The following AGBL1 variants were observed in gnomAD, a reference collection of about 807,000 sequenced individuals.
The protein encoded by AGBL1 is cytosolic carboxypeptidase 4.
In AGBL1, 130 loss-of-function variants were observed where a neutral mutation model predicts 118.9. The observed-to-expected ratio is 1.09, with a 90% confidence interval of 0.95 to 1.26. The LOEUF (loss-of-function observed/expected upper bound fraction) is 1.26, where lower values mean the gene tolerates loss of function less well. Among genes scored for constraint, AGBL1 ranks in the 50% most tolerant of loss-of-function variants. The probability of loss-of-function intolerance (pLI) is 0.00; values close to 1 mark genes in which losing one functional copy is unlikely to be tolerated. For missense variants in AGBL1, 1,584 were observed against 1,298.1 expected, an observed-to-expected ratio of 1.22 and a Z score of -3.38; for synonymous variants, 555 against 478.9, an observed-to-expected ratio of 1.16 and a Z score of -2.08.
At chr15:86,638,084 C>G (rs943709216) in intron 21 of AGBL1, among the ~76,000 whole-genome samples, 2 of 152,114 alleles carry the variant, frequency 1.3e-5, no homozygotes, top group African/African-American at 4.8e-5. Flanking sequence ...TACTTCTCAT[C>G]TTCTTTCAAC....
chr15:86,159,900 T>C (rs886813669), intron 5 of AGBL1, among the ~76,000 whole-genome samples: 1 of 152,050 alleles, frequency 6.6e-6, no homozygotes, highest in Non-Finnish European at 1.5e-5. Flanking sequence ...TGCAGCTCTC[T>C]ACACCAAGCA....
intron 21 of AGBL1, among the ~76,000 whole-genome samples, chr15:86,663,277 G>A (rs2085579297): frequency 6.6e-6 from 1 of 152,204 alleles, no homozygotes; most frequent in African/African-American, 2.4e-5. Flanking sequence ...GCTGTGGCCA[G>A]CTTCTGTTCT....
intron 18 of AGBL1, among the ~76,000 whole-genome samples, chr15:86,453,876 T>C (rs1400494400): frequency 6.6e-6 from 1 of 152,242 alleles, no homozygotes; most frequent in Non-Finnish European, 1.5e-5. Context: ...GTAATAGATA[T>C]GATAGATTTG....
rs879450034 is a variant in AGBL1 at position 86,080,937 on chromosome 15, GC to G, written c.51+915del. Among the ~76,000 whole-genome samples, 1,480 of 151,226 alleles carry G rather than the reference GC, an allele frequency of 9.8e-3. 8 individuals are homozygous for G. The highest frequency in any genetic ancestry group is 0.015 in the Non-Finnish European group (1,014 of 67,886). ...GTCACAAGATGATGGGCTTGTGGGG[GC>G]GGGGGGGGGTCCATGACCCCATTCC... On this transcript the variant is annotated intron_variant, in intron 1 of 22. Coordinates refer to ENST00000614907, the MANE Select transcript of AGBL1 (RefSeq NM_001386094.1).
intron 21 of AGBL1, among the ~76,000 whole-genome samples, chr15:86,651,167 C>T (rs2085362309): frequency 6.6e-6 from 1 of 152,134 alleles, no homozygotes; most frequent in South Asian, 2.1e-4. Context: ...ACCACAGCCT[C>T]AGAGTTCTTA....
intron 21 of AGBL1, among the ~76,000 whole-genome samples, chr15:86,639,625 C>A (rs961237720): frequency 3.3e-5 from 5 of 152,156 alleles, no homozygotes; most frequent in Non-Finnish European, 5.9e-5. Context: ...CTACCTCCCC[C>A]ATACAGCTTC....
chr15:86,293,244 A>G (rs2079576876), intron 16 of AGBL1, among the ~76,000 whole-genome samples: 1 of 152,186 alleles, frequency 6.6e-6, no homozygotes, highest in Non-Finnish European at 1.5e-5. Flanking sequence ...AGGAACAGGT[A>G]CTTTTTTTAA....
At chr15:86,103,576 T>G (rs1209011149) in intron 1 of AGBL1, among the ~76,000 whole-genome samples, 1 of 152,200 alleles carries the variant, frequency 6.6e-6, no homozygotes, top group East Asian at 1.9e-4. Flanking sequence ...CTTCTGGGTG[T>G]GTGCAGTAGT....
intron 21 of AGBL1, among the ~76,000 whole-genome samples, chr15:86,611,759 A>G (rs1360431285): frequency 6.6e-6 from 1 of 152,184 alleles, no homozygotes; most frequent in Non-Finnish European, 1.5e-5. Context: ...AGAGGTTCAT[A>G]TTAGAAGAAC....
rs528837807 is a variant in AGBL1 at position 86,795,734 on chromosome 15, G to A, written c.3159-111353G>A. 7.9e-5 allele frequency among the ~76,000 whole-genome samples: 12 copies of A among 151,276 alleles called. No individual in the cohort carries two copies. The South Asian group carries it at 1.5e-3, about 18-fold the overall frequency. On this transcript the variant is annotated intron_variant, in intron 22 of 22. Coordinates refer to ENST00000614907, the MANE Select transcript of AGBL1 (RefSeq NM_001386094.1). The stretch of plus-strand genomic sequence containing the variant: ...CGAGTAGCTGGGAATACAGGTGCTC[G>A]CCACAACACCCAGCTAATTTTTTGT...
chr15:86,967,826 TA>T (rs1338795532), intron 23 of AGBL1, among the ~76,000 whole-genome samples: 1 of 152,122 alleles, frequency 6.6e-6, no homozygotes, highest in African/African-American at 2.4e-5. Flanking sequence ...TTTTGTTCCA[TA>T]TGAACTTTAA....
rs1011442893 is a variant in AGBL1, at chr15:86,283,163, A to C, written c.2220+3380A>C. Among the ~76,000 whole-genome samples, 9 of 152,198 alleles carry C rather than the reference A, an allele frequency of 5.9e-5. No individual in the cohort carries two copies. The East Asian group carries it at 1.3e-3, about 23-fold the overall frequency. On this transcript the variant is annotated intron_variant, in intron 16 of 22. Coordinates refer to ENST00000614907, the MANE Select transcript of AGBL1 (RefSeq NM_001386094.1). Reference sequence around the variant, plus strand: ...GCCGTATCAAGTTATCAGTAATTGTAATGATTGTTAAAGTGTTAGCAATAA... The same window carrying C: ...GCCGTATCAAGTTATCAGTAATTGTCATGATTGTTAAAGTGTTAGCAATAA...
chr15:86,329,227 C>T (rs1230692107), intron 17 of AGBL1, among the ~76,000 whole-genome samples: 3 of 152,262 alleles, frequency 2.0e-5, no homozygotes, highest in Admixed American at 1.3e-4. Context: ...CCACTTCACT[C>T]CCAGGCAGAA....
chr15:86,251,600 C>A (rs2078816934), intron 7 of AGBL1, among the ~76,000 whole-genome samples: 1 of 152,030 alleles, frequency 6.6e-6, no homozygotes, highest in Non-Finnish European at 1.5e-5. Flanking sequence ...TCTTCTTTGC[C>A]TTTCTGCTGA....
At chr15:86,559,651 TACA>T (rs1318230484) in intron 21 of AGBL1, among the ~76,000 whole-genome samples, 1 of 152,222 alleles carries the variant, frequency 6.6e-6, no homozygotes, top group African/African-American at 2.4e-5. Flanking sequence ...TCTGCTATTG[TACA>T]ACAAAGCACT....
chr15:86,326,886 A>G (rs770974572), intron 17 of AGBL1, among the ~76,000 whole-genome samples: 7 of 152,200 alleles, frequency 4.6e-5, no homozygotes, highest in Non-Finnish European at 1.0e-4. Context: ...AGCAGGAGGT[A>G]GAATGATGTT....
At chr15:86,878,595 ATC>A (rs1400902766) in intron 22 of AGBL1, among the ~76,000 whole-genome samples, 2 of 151,024 alleles carry the variant, frequency 1.3e-5, no homozygotes, top group Non-Finnish European at 2.9e-5. Context: ...TATATCTTCA[ATC>A]TCTTTCTGTT....
At chr15:86,865,992 A>T (rs2079622941) in intron 22 of AGBL1, among the ~76,000 whole-genome samples, 1 of 152,172 alleles carries the variant, frequency 6.6e-6, no homozygotes, top group Non-Finnish European at 1.5e-5. Flanking sequence ...CATTTTCATT[A>T]TCATTCTAAC....
intron 22 of AGBL1, among the ~76,000 whole-genome samples, chr15:86,900,631 T>C (rs945662013): frequency 2.6e-5 from 4 of 151,670 alleles, no homozygotes; most frequent in African/African-American, 9.7e-5. Flanking sequence ...GAGTATCTTA[T>C]ATCGACTATC....
Sources: allele counts gnomAD v4.1 joint callset (sites outside exome capture counted in the v4.1 genomes callset), GRCh38; gene constraint gnomAD v4.1.1; transcripts MANE v1.5; gene names NCBI Gene and HGNC (gene_info 2026-07-23, HGNC 2026-07-21).